The following CTNND2 variants were observed in gnomAD, a reference collection of about 807,000 sequenced individuals.
The protein encoded by CTNND2 is catenin delta 2.
A neutral mutation model predicts 144.4 loss-of-function variants in CTNND2; 22 were observed. The observed-to-expected ratio is 0.15, with a 90% confidence interval of 0.11 to 0.22. CTNND2 has a LOEUF of 0.22. Ranked by LOEUF, CTNND2 falls within the 10% of genes least tolerant of loss-of-function variation. The probability of loss-of-function intolerance (pLI) is 1.00; values close to 1 mark genes in which losing one functional copy is unlikely to be tolerated. For missense variants in CTNND2, 1,353 were observed against 1,618.8 expected (o/e 0.84, Z 2.82); for synonymous variants, 751 against 695.6 (o/e 1.08, Z -1.25).
intron 3 of CTNND2, among the ~76,000 whole-genome samples, chr5:11,518,598 G>A (rs1772412646): frequency 6.6e-6 from 1 of 152,062 alleles, no homozygotes; most frequent in South Asian, 2.1e-4. Context: ...AGCCCTGCAT[G>A]GTTTAAGTGT....
rs2115264 is a variant in CTNND2 at position 11,497,519 on chromosome 5, T to C, written c.287+67425A>G. The stretch of plus-strand genomic sequence containing the variant: ...AGGCAAAGAATGATGTGCGGGGGGG[T>C]GGGGGGGGGCAATATGTGCAAAGGC... On this transcript the variant is annotated intron_variant, in intron 3 of 21. Coordinates refer to ENST00000304623, the MANE Select transcript of CTNND2 (RefSeq NM_001332.4). Among the ~76,000 whole-genome samples the C allele has an allele frequency of 1.0e-3, 14 of 13,760 alleles. 2 individuals are homozygous for C. The highest frequency in any genetic ancestry group is 4.7e-3 in the South Asian group (1 of 212). The allele number at this position is 13,760 out of a possible 152,430, so 9.0% of individuals were successfully genotyped here.
chr5:11,685,047 G>A (rs1330834024), intron 2 of CTNND2, among the ~76,000 whole-genome samples: 1 of 152,172 alleles, frequency 6.6e-6, no homozygotes, highest in African/African-American at 2.4e-5. Flanking sequence ...CCTAATAAAA[G>A]GGCTATTTTG....
At chr5:11,240,512 CACACACACCCA>C (rs1561075967) in intron 9 of CTNND2, among the ~76,000 whole-genome samples, 3 of 141,220 alleles carry the variant, frequency 2.1e-5, no homozygotes, top group Non-Finnish European at 3.1e-5. Flanking sequence ...ACACCCAACA[CACACACACCCA>C]ACACACACAC....
intron 16 of CTNND2, among the ~76,000 whole-genome samples, chr5:11,073,521 T>C (rs990332705): frequency 6.6e-6 from 1 of 152,232 alleles, no homozygotes; most frequent in African/African-American, 2.4e-5. Flanking sequence ...ACATGGAGTA[T>C]TTCCAAGGGA....
At chr5:11,192,679 C>T (rs569624523) in intron 11 of CTNND2, among the ~76,000 whole-genome samples, 34 of 152,238 alleles carry the variant, frequency 2.2e-4, no homozygotes, top group Admixed American at 2.0e-3. Flanking sequence ...GCTTTGGAAG[C>T]TGGAAAAGGC....
At chr5:11,627,508 C>T (rs1019136733) in intron 2 of CTNND2, among the ~76,000 whole-genome samples, 2 of 151,918 alleles carry the variant, frequency 1.3e-5, no homozygotes, top group African/African-American at 4.8e-5. Context: ...TTGATGAAAG[C>T]TATGGTTGAA....
intron 2 of CTNND2, among the ~76,000 whole-genome samples, chr5:11,620,562 G>A (rs1780780788): frequency 6.6e-6 from 1 of 152,178 alleles, no homozygotes; most frequent in South Asian, 2.1e-4. Flanking sequence ...CTGGCCCAGT[G>A]CTTGTCCGTA....
intron 3 of CTNND2, among the ~76,000 whole-genome samples, chr5:11,559,303 G>A (rs1776497296): frequency 6.6e-6 from 1 of 151,974 alleles, no homozygotes; most frequent in Admixed American, 6.6e-5. Context: ...GTTGACTTAG[G>A]GTCATGGCAC....
rs147256367 is a variant in CTNND2 at position 11,441,072 on chromosome 5, C to G, written c.288-29003G>C. Among the ~76,000 whole-genome samples, 23 of 152,124 alleles carry G rather than the reference C, an allele frequency of 1.5e-4. No homozygotes were observed. The East Asian group carries it at 4.2e-3, about 28-fold the overall frequency. ...AAGAGCTGAAAACATAATGTATTAT[C>G]ATTACATTGATTTTTTTTAAAGAAT... On this transcript the variant is annotated intron_variant, in intron 3 of 21. Transcript: ENST00000304623.
intron 2 of CTNND2, among the ~76,000 whole-genome samples, chr5:11,720,549 G>A (rs900962423): frequency 2.6e-5 from 4 of 151,908 alleles, no homozygotes; most frequent in South Asian, 2.1e-4. Flanking sequence ...TGTCTCACCC[G>A]ACCACCCACA....
rs61758958 is a variant in CTNND2 at position 11,461,462 on chromosome 5, T to C, written c.288-49393A>G. On this transcript the variant is annotated intron_variant, in intron 3 of 21. Coordinates refer to ENST00000304623, the MANE Select transcript of CTNND2 (RefSeq NM_001332.4). Reference sequence around the variant, plus strand: ...ACACCTGGGAAATTGCTTGTGAACTTCTTGATATTAGAAATAGGCATGTCT... The same window carrying C: ...ACACCTGGGAAATTGCTTGTGAACTCCTTGATATTAGAAATAGGCATGTCT... 4.3e-3 allele frequency among the ~76,000 whole-genome samples: 654 copies of C among 152,214 alleles called. 6 individuals carry two copies. Among genetic ancestry groups the C allele is most frequent in the African/African-American group, 0.015 (620 of 41,514 alleles).
At chr5:11,581,570 T>A (rs544919622) in intron 2 of CTNND2, among the ~76,000 whole-genome samples, 1 of 152,210 alleles carries the variant, frequency 6.6e-6, no homozygotes, top group Non-Finnish European at 1.5e-5. Context: ...CTAGATGGAT[T>A]GCACTGTGAT....
chr5:11,827,167 G>A (rs80112101), intron 1 of CTNND2, among the ~76,000 whole-genome samples: 3 of 152,114 alleles, frequency 2.0e-5, no homozygotes, highest in East Asian at 3.8e-4. Context: ...CTTACAACAT[G>A]CGGACATCTG....
chr5:11,050,786 T>C (rs578101234), intron 16 of CTNND2, among the ~76,000 whole-genome samples: 119 of 152,328 alleles, frequency 7.8e-4, no homozygotes, highest in Non-Finnish European at 1.6e-3. Context: ...GATTCATAAA[T>C]GAAAGCTTCC....
intron 9 of CTNND2, among the ~76,000 whole-genome samples, chr5:11,337,175 T>C (rs1010357830): frequency 6.6e-6 from 1 of 152,156 alleles, no homozygotes; most frequent in African/African-American, 2.4e-5. Flanking sequence ...AGGAAATAAA[T>C]GGGAAGCACA....
intron 14 of CTNND2, among the ~76,000 whole-genome samples, chr5:11,101,812 A>G (rs1477014105): frequency 6.6e-6 from 1 of 152,068 alleles, no homozygotes; most frequent in African/African-American, 2.4e-5. Context: ...CATGAAGACA[A>G]AGTATTTCCA....
intron 12 of CTNND2, among the ~76,000 whole-genome samples, chr5:11,151,209 C>T (rs899854220): frequency 2.6e-5 from 4 of 152,166 alleles, no homozygotes; most frequent in Non-Finnish European, 4.4e-5. Flanking sequence ...AGGCTGGGTA[C>T]GTAAGCAGTA....
At chr5:11,847,543 G>T (rs1307517636) in intron 1 of CTNND2, among the ~76,000 whole-genome samples, 1 of 152,002 alleles carries the variant, frequency 6.6e-6, no homozygotes, top group African/African-American at 2.4e-5. Context: ...CAGTTAGGAA[G>T]AATAAGTGTT....
At chr5:11,493,336 G>A (rs1157631212) in intron 3 of CTNND2, among the ~76,000 whole-genome samples, 1 of 152,022 alleles carries the variant, frequency 6.6e-6, no homozygotes, top group East Asian at 1.9e-4. Context: ...GAGATTTCAG[G>A]CTCCACAACT....
Sources: allele counts gnomAD v4.1 joint callset (sites outside exome capture counted in the v4.1 genomes callset), GRCh38; gene constraint gnomAD v4.1.1; transcripts MANE v1.5; gene names NCBI Gene and HGNC (gene_info 2026-07-23, HGNC 2026-07-21).